Variants in LPP observed in about 807,000 individuals in gnomAD.
LPP encodes LIM domain containing preferred translocation partner in lipoma, also known as lipoma-preferred partner.
In LPP, 38 loss-of-function variants were observed where a neutral mutation model predicts 60.4. The observed-to-expected ratio is 0.63, with a 90% confidence interval of 0.49 to 0.83. The LOEUF (loss-of-function observed/expected upper bound fraction) is 0.83, where lower values mean the gene tolerates loss of function less well. LPP is among the 40% of genes least tolerant of loss of function. The pLI, the probability that LPP is intolerant of heterozygous loss-of-function variation, is 0.00. For synonymous variants in LPP, 328 were observed against 290.8 expected (o/e 1.13, Z -1.30); for missense variants, 902 against 783.6 (o/e 1.15, Z -1.80).
chr3:188,384,894 T>A (rs1386787176), intron 3 of LPP, among the ~76,000 whole-genome samples: 2 of 151,468 alleles, frequency 1.3e-5, no homozygotes, highest in African/African-American at 4.9e-5. Flanking sequence ...ATGCCCTATG[T>A]AGTACATCTT....
At chr3:188,727,816 A>G (rs891716516) in intron 8 of LPP, among the ~76,000 whole-genome samples, 4 of 152,186 alleles carry the variant, frequency 2.6e-5, no homozygotes, top group Non-Finnish European at 5.9e-5. Context: ...TACCTTGTCC[A>G]AGGTTATACG....
intron 9 of LPP, among the ~76,000 whole-genome samples, chr3:188,796,732 G>A (rs926397229): frequency 5.9e-5 from 9 of 152,102 alleles, no homozygotes; most frequent in African/African-American, 2.2e-4. Context: ...AAGACACATT[G>A]GATTTGAACC....
intron 6 of LPP, among the ~76,000 whole-genome samples, chr3:188,594,432 T>C (rs1449373380): frequency 6.6e-6 from 1 of 152,192 alleles, no homozygotes; most frequent in Non-Finnish European, 1.5e-5. Flanking sequence ...TGGAGCGCTG[T>C]GTTCCAAGTA....
intron 4 of LPP, among the ~76,000 whole-genome samples, chr3:188,477,119 G>A (rs34057316): frequency 2.4e-4 from 36 of 151,956 alleles, no homozygotes; most frequent in African/African-American, 8.0e-4. Flanking sequence ...ATTTGTATCC[G>A]GTATCTTCCT....
chr3:188,513,445 G>T (rs1816416903), intron 5 of LPP, among the ~76,000 whole-genome samples: 1 of 152,002 alleles, frequency 6.6e-6, no homozygotes, highest in Admixed American at 6.6e-5. Flanking sequence ...ATTTTACCAG[G>T]GGATCTGCTG....
At chr3:188,791,688 G>A (rs1743814660) in intron 9 of LPP, among the ~76,000 whole-genome samples, 1 of 151,980 alleles carries the variant, frequency 6.6e-6, no homozygotes, top group Non-Finnish European at 1.5e-5. Flanking sequence ...GCTTTTGCCT[G>A]GCCAGTACAT....
At chr3:188,433,607 AG>A (rs1441777128) in intron 4 of LPP, among the ~76,000 whole-genome samples, 4 of 111,362 alleles carry the variant, frequency 3.6e-5, no homozygotes, top group Non-Finnish European at 6.2e-5. Context: ...AGTGAGAGAG[AG>A]AGAGAGAGAG....
intron 3 of LPP, among the ~76,000 whole-genome samples, chr3:188,377,861 T>C (rs1341917410): frequency 6.6e-6 from 1 of 152,182 alleles, no homozygotes; most frequent in African/African-American, 2.4e-5. Context: ...TCTTTGATGA[T>C]GGTGACATAC....
intron 8 of LPP, among the ~76,000 whole-genome samples, chr3:188,748,895 AT>A (rs1204094443): frequency 1.3e-5 from 2 of 152,198 alleles, no homozygotes; most frequent in Non-Finnish European, 2.9e-5. Context: ...TATACCAGCT[AT>A]GGTCAAACAG....
At chr3:188,717,109 C>T (rs1470259385) in intron 8 of LPP, among the ~76,000 whole-genome samples, 2 of 152,210 alleles carry the variant, frequency 1.3e-5, no homozygotes, top group African/African-American at 4.8e-5. Flanking sequence ...CCCCAGGGCT[C>T]TCCACTACCC....
At position 188,447,534 on chromosome 3, in the gene LPP, C is replaced by T. The variant is rs144788714; in HGVS notation, c.194-37058C>T. On this transcript the variant is annotated intron_variant, in intron 4 of 11. Transcript: ENST00000617246. The stretch of plus-strand genomic sequence containing the variant: ...CTGAGGCAGGAGAATTACTTGAATC[C>T]AGGAGGCAGAGGTTGCAGTGAGCAG... Among the ~76,000 whole-genome samples the T allele has an allele frequency of 6.8e-5, 10 of 146,616 alleles. No individual in the cohort carries two copies. In the East Asian group the frequency reaches 2.0e-3, roughly 30 times the overall value.
At chr3:188,300,454 ATTTTTT>A (rs34492581) in intron 2 of LPP, among the ~76,000 whole-genome samples, 2 of 125,228 alleles carry the variant, frequency 1.6e-5, no homozygotes, top group African/African-American at 2.9e-5. Flanking sequence ...ACACTTGGCC[ATTTTTT>A]TTTTTTTTTT....
intron 6 of LPP, among the ~76,000 whole-genome samples, chr3:188,528,980 A>T (rs1299984641): frequency 2.6e-5 from 4 of 152,244 alleles, no homozygotes; most frequent in African/African-American, 9.6e-5. Flanking sequence ...GTTCATAATT[A>T]TGGTAAAATA....
At chr3:188,653,050 T>G (rs1015008817) in intron 7 of LPP, among the ~76,000 whole-genome samples, 2 of 152,220 alleles carry the variant, frequency 1.3e-5, no homozygotes, top group Non-Finnish European at 2.9e-5. Context: ...CCACTGCCAA[T>G]TCTTGCCTCA....
intron 3 of LPP, among the ~76,000 whole-genome samples, chr3:188,354,022 C>T (rs965916757): frequency 5.3e-5 from 8 of 151,892 alleles, no homozygotes; most frequent in African/African-American, 1.9e-4. Context: ...AGCTAAAACC[C>T]AGATTTTGTC....
rs923628588 is a variant in LPP, at chr3:188,592,203, C to G, written c.430-16958C>G. ...TGCATCTGTTAAAGCAGATTGACTG[C>G]TTGGTTATCACACTATAAACAACAT... On this transcript the variant is annotated intron_variant, in intron 6 of 11. Transcript: ENST00000617246. Among the ~76,000 whole-genome samples, 4 of 152,090 alleles carry G rather than the reference C, an allele frequency of 2.6e-5. No individual in the cohort carries two copies. The East Asian group carries it at 5.8e-4, about 22-fold the overall frequency.
chr3:188,811,984 A>G (rs927374923), intron 9 of LPP, among the ~76,000 whole-genome samples: 1 of 152,106 alleles, frequency 6.6e-6, no homozygotes, highest in Non-Finnish European at 1.5e-5. Context: ...TGTGTTGCAG[A>G]TCATTAGAAT....
intron 8 of LPP, among the ~76,000 whole-genome samples, chr3:188,732,524 G>A (rs185677790): frequency 6.9e-4 from 105 of 152,004 alleles, no homozygotes; most frequent in African/African-American, 2.3e-3. Flanking sequence ...TTGGGAGGCC[G>A]AGGCGGGTCA....
At chr3:188,499,382 C>T (rs550645231) in intron 5 of LPP, among the ~76,000 whole-genome samples, 6 of 152,306 alleles carry the variant, frequency 3.9e-5, no homozygotes, top group African/African-American at 1.4e-4. Context: ...GTTGAAAAGA[C>T]TGTCCTTCCT....
Sources: allele counts gnomAD v4.1 joint callset (sites outside exome capture counted in the v4.1 genomes callset), GRCh38; gene constraint gnomAD v4.1.1; transcripts MANE v1.5; gene names NCBI Gene and HGNC (gene_info 2026-07-23, HGNC 2026-07-21).